The following DOCK4 variants were observed in gnomAD, a reference collection of about 807,000 sequenced individuals.
DOCK4 encodes the protein dedicator of cytokinesis 4, also known as dedicator of cytokinesis protein 4.
A neutral mutation model predicts 268.1 loss-of-function variants in DOCK4; 97 were observed. That is an observed-to-expected ratio of 0.36 (90% CI 0.31 to 0.43). The LOEUF (loss-of-function observed/expected upper bound fraction) is 0.43, where lower values mean the gene tolerates loss of function less well. DOCK4 is among the 20% of genes least tolerant of loss of function. DOCK4 has a pLI of 1.00. For synonymous variants in DOCK4, 954 were observed against 887.2 expected, an observed-to-expected ratio of 1.08 and a Z score of -1.34; for missense variants, 2,145 against 2,455.7, an observed-to-expected ratio of 0.87 and a Z score of 2.67.
At chr7:112,101,800 C>T (rs1020508752) in intron 1 of DOCK4, among the ~76,000 whole-genome samples, 2 of 151,696 alleles carry the variant, frequency 1.3e-5, no homozygotes, top group African/African-American at 4.8e-5. Context: ...ATCCTCCACC[C>T]ATCATTTAAA....
chr7:112,200,729 A>AAAAAC (rs1554478869), intron 1 of DOCK4, among the ~76,000 whole-genome samples: 2 of 120,178 alleles, frequency 1.7e-5, no homozygotes, highest in African/African-American at 7.6e-5. Flanking sequence ...CTAAAATAAA[A>AAAAAC]AAAAAAAAAC....
At chr7:112,052,981 G>A (rs923571278) in intron 1 of DOCK4, among the ~76,000 whole-genome samples, 17 of 152,128 alleles carry the variant, frequency 1.1e-4, no homozygotes, top group Non-Finnish European at 1.8e-4. Flanking sequence ...ACTCCCCGGA[G>A]TTAAAAAAGC....
intron 8 of DOCK4, chr7:111,971,099 C>T (rs995393023): frequency 2.6e-5 from 4 of 152,396 alleles, no homozygotes; most frequent in African/African-American, 9.6e-5. Flanking sequence ...GTATTGGACA[C>T]ATCTAAGTAC....
At chr7:112,121,737 T>A (rs905251260) in intron 1 of DOCK4, among the ~76,000 whole-genome samples, 22 of 152,324 alleles carry the variant, frequency 1.4e-4, no homozygotes, top group African/African-American at 4.8e-4. Context: ...ATACAGATAT[T>A]CAGGGTCTAT....
At chr7:112,042,860 A>T (rs1804512234) in intron 1 of DOCK4, among the ~76,000 whole-genome samples, 1 of 152,188 alleles carries the variant, frequency 6.6e-6, no homozygotes, top group Non-Finnish European at 1.5e-5. Flanking sequence ...CTTTCTCATG[A>T]GAGTGTGTTA....
intron 16 of DOCK4, among the ~76,000 whole-genome samples, chr7:111,879,056 C>T (rs1164769875): frequency 6.6e-6 from 1 of 151,812 alleles, no homozygotes; most frequent in Non-Finnish European, 1.5e-5. Flanking sequence ...CAGCTTGCAG[C>T]AACAAAAGTG....
intron 1 of DOCK4, among the ~76,000 whole-genome samples, chr7:112,162,541 C>CT (rs1563146002): frequency 6.6e-6 from 1 of 150,838 alleles, no homozygotes; most frequent in Non-Finnish European, 1.5e-5. Context: ...CTCTCTCCCC[C>CT]CTCTCCCTGC....
chr7:112,142,929 G>A (rs1423924045), intron 1 of DOCK4, among the ~76,000 whole-genome samples: 1 of 151,938 alleles, frequency 6.6e-6, no homozygotes, highest in Non-Finnish European at 1.5e-5. Flanking sequence ...GTTTTTACTA[G>A]ACATTAGGTT....
At chr7:112,033,959 G>A (rs1234716618) in intron 1 of DOCK4, among the ~76,000 whole-genome samples, 1 of 152,198 alleles carries the variant, frequency 6.6e-6, no homozygotes, top group Non-Finnish European at 1.5e-5. Context: ...AATCCTGCAA[G>A]AAAGGAGCAC....
At chr7:111,892,262 A>G (rs1469836372) in intron 16 of DOCK4, among the ~76,000 whole-genome samples, 3 of 152,174 alleles carry the variant, frequency 2.0e-5, no homozygotes, top group South Asian at 2.1e-4. Flanking sequence ...GTGCAATGGC[A>G]TGATCTCGGC....
rs254864 is a variant in DOCK4 at position 112,014,072 on chromosome 7, T to A, written c.38-9941A>T. Among the ~76,000 whole-genome samples, 142 of 152,318 alleles carry A rather than the reference T, an allele frequency of 9.3e-4. 1 individual carries two copies. The highest frequency in any genetic ancestry group is 1.3e-3 in the Non-Finnish European group (87 of 68,022). On this transcript the variant is annotated intron_variant, in intron 1 of 52. Transcript: ENST00000428084. The stretch of plus-strand genomic sequence containing the variant: ...TTAAATTAATATTTAATGGTTACTC[T>A]CCATGTGCCAGTATTGTGCTAGGCA...
intron 36 of DOCK4, among the ~76,000 whole-genome samples, chr7:111,774,482 C>CA (rs1368991565): frequency 1.3e-5 from 2 of 151,444 alleles, no homozygotes; most frequent in African/African-American, 2.4e-5. Context: ...CAAAACAAAA[C>CA]AAAAAAATCT....
intron 2 of DOCK4, 115 bp downstream of exon 2, chr7:112,003,933 A>G (rs1352427807): frequency 1.3e-5 from 9 of 696,002 alleles, no homozygotes; most frequent in African/African-American, 3.7e-5. Flanking sequence ...AATTTTGTCA[A>G]AAATGACTTG....
At chr7:111,945,377 G>C (rs1046347616) in intron 9 of DOCK4, among the ~76,000 whole-genome samples, 1 of 152,080 alleles carries the variant, frequency 6.6e-6, no homozygotes, top group Non-Finnish European at 1.5e-5. Context: ...GTAGAGACGG[G>C]GTTTCACCAT....
chr7:111,755,610 C>A lies in DOCK4; in HGVS notation c.4330-9G>T, dbSNP rs914324977. On this transcript the variant is annotated splice_polypyrimidine_tract_variant and intron_variant, in intron 41 of 52. Transcript: ENST00000428084. ...CTCTCCACCCAGAGACTCTACAAAA[C>A]ACAAAACACATTAAGTCTCCCAAGT... is the stretch of plus-strand genomic sequence containing the variant. 2 of 1,613,450 alleles carry A rather than the reference C, an allele frequency of 1.2e-6. No homozygotes were observed. The highest frequency in any genetic ancestry group is 1.3e-5 in the African/African-American group (1 of 74,908).
intron 1 of DOCK4, among the ~76,000 whole-genome samples, chr7:112,037,738 T>C (rs978714360): frequency 1.3e-5 from 2 of 152,190 alleles, no homozygotes; most frequent in Non-Finnish European, 2.9e-5. Context: ...TTTGTGGACA[T>C]AGGTTTTCAT....
chr7:111,892,117 G>A (rs550207393), intron 16 of DOCK4, among the ~76,000 whole-genome samples: 1 of 152,256 alleles, frequency 6.6e-6, no homozygotes, highest in South Asian at 2.1e-4. Flanking sequence ...TCTAACATTT[G>A]AGACATCCTT....
chr7:111,728,902 C>G (rs1333244311), intron 52 of DOCK4, among the ~76,000 whole-genome samples, 182 bp from the exon 53 acceptor site: 1 of 152,124 alleles, frequency 6.6e-6, no homozygotes, highest in Non-Finnish European at 1.5e-5. Flanking sequence ...GATCCTAATC[C>G]AAGCTGACTG....
intron 12 of DOCK4, among the ~76,000 whole-genome samples, chr7:111,922,586 C>T (rs2134592360): frequency 6.6e-6 from 1 of 152,022 alleles, no homozygotes; most frequent in East Asian, 1.9e-4. Context: ...CTTCTGGGTT[C>T]AGTTCTTTTT....
Sources: gnomAD v4.1 joint callset for allele counts (sites outside exome capture counted in the v4.1 genomes callset) on GRCh38, gnomAD v4.1.1 for gene constraint, MANE v1.5 for transcripts, NCBI Gene and HGNC (gene_info 2026-07-23, HGNC 2026-07-21) for gene names.